UBR1: variants seen among roughly 807,000 people sequenced by gnomAD.
UBR1 encodes the protein E3 ubiquitin-protein ligase UBR1.
In UBR1, 102 loss-of-function variants were observed where a neutral mutation model predicts 242.1. The ratio of observed to expected loss-of-function variants is 0.42; its 90% confidence interval spans 0.36 to 0.50. The LOEUF (loss-of-function observed/expected upper bound fraction) is 0.50. Among genes scored for constraint, UBR1 ranks in the 20% least tolerant of loss-of-function variants. The pLI is 0.01. For missense variants in UBR1, 1,772 were observed against 2,101.8 expected (o/e 0.84, Z 3.07); for synonymous variants, 675 against 684.8 (o/e 0.99, Z 0.22).
At chr15:42,950,405 G>C in intron 45 of UBR1, 42 bp from the exon 46 acceptor site, 1 of 1,559,354 alleles carries the variant, frequency 6.4e-7, no homozygotes, top group Non-Finnish European at 8.8e-7. Flanking sequence ...AAGTGTATGT[G>C]TGCAAATGAT....
chr15:42,960,258 G>C (rs995400262), intron 43 of UBR1, among the ~76,000 whole-genome samples: 18 of 152,130 alleles, frequency 1.2e-4, no homozygotes, highest in African/African-American at 4.1e-4. Context: ...ATAGTTCTAT[G>C]TATATCTTGC....
intron 35 of UBR1, among the ~76,000 whole-genome samples, chr15:42,987,331 G>A (rs2032482420): frequency 6.6e-6 from 1 of 152,222 alleles, no homozygotes; most frequent in Non-Finnish European, 1.5e-5. Context: ...GGTGCCCGTG[G>A]CCTGGAACCT....
intron 42 of UBR1, among the ~76,000 whole-genome samples, chr15:42,962,097 T>A (rs2032032005): frequency 7.1e-6 from 1 of 141,420 alleles, no homozygotes; most frequent in Non-Finnish European, 1.5e-5. Context: ...CTTCTCCCTT[T>A]CTTTCCTCTC....
chr15:43,037,833 C>T lies in UBR1; in HGVS notation c.1962G>A (p.Val654=). ...TCTCAGCAACAACCTGGGCAACCAA[C>T]ACCAGACAACGTAAAGGATATTCCA... is the stretch of plus-strand genomic sequence containing the variant. ...VLVEYPLRCL[V]LVAQVVAEMW... is the part of the protein sequence containing the mutation. The change falls in exon 17 of 47, where the codon GTG becomes GTA. Residue 654 remains valine (V), a synonymous_variant. Coordinates refer to ENST00000290650, the MANE Select transcript of UBR1 (RefSeq NM_174916.3). The T allele has an allele frequency of 6.2e-7, 1 of 1,614,168 alleles. No homozygotes were observed. Among genetic ancestry groups the T allele is most frequent in the Non-Finnish European group, 8.5e-7 (1 of 1,180,028 alleles).
chr15:43,049,456 G>A (rs968812874), intron 12 of UBR1, among the ~76,000 whole-genome samples: 19 of 152,062 alleles, frequency 1.2e-4, no homozygotes, highest in Non-Finnish European at 2.1e-4. Context: ...CCAGCTACTC[G>A]GGAGGCTGAA....
intron 5 of UBR1, 104 bp from the exon 6 acceptor site, chr15:43,068,140 C>A: frequency 1.4e-6 from 1 of 725,308 alleles, no homozygotes; most frequent in Non-Finnish European, 2.1e-6. Context: ...TGTGTAGTTT[C>A]CAACCTGTGG....
chr15:42,965,326 G>A (rs944875742), intron 41 of UBR1, among the ~76,000 whole-genome samples: 1 of 152,126 alleles, frequency 6.6e-6, no homozygotes, highest in Non-Finnish European at 1.5e-5. Flanking sequence ...AAAGCCACAG[G>A]AAGGCTTCCC....
At chr15:43,104,559 C>T (rs2034274092) in intron 1 of UBR1, among the ~76,000 whole-genome samples, 1 of 152,058 alleles carries the variant, frequency 6.6e-6, no homozygotes, top group South Asian at 2.1e-4. Flanking sequence ...TAGTCAGTGG[C>T]CAAATCCTTT....
chr15:42,964,554 C>G (rs1036702568), intron 41 of UBR1, among the ~76,000 whole-genome samples: 1 of 152,090 alleles, frequency 6.6e-6, no homozygotes, highest in African/African-American at 2.4e-5. Flanking sequence ...TAAATTGTAT[C>G]GAGTCACTCT....
chr15:43,074,966 A>G lies in UBR1; in HGVS notation c.528+13T>C. The stretch of plus-strand genomic sequence containing the variant: ...AAAATAGTTAACAATTTTTAACAAA[A>G]TAGCATTCTTACCTCTTTTATAGTA... On this transcript the variant is annotated intron_variant, in intron 4 of 46. Coordinates refer to ENST00000290650, the MANE Select transcript of UBR1 (RefSeq NM_174916.3). 1 of 1,589,652 alleles carries G rather than the reference A, an allele frequency of 6.3e-7. No individual in the cohort carries two copies. Among genetic ancestry groups the G allele is most frequent in the Non-Finnish European group, 8.6e-7 (1 of 1,157,670 alleles).
chr15:43,044,875 A>G (rs2033464487), intron 14 of UBR1, among the ~76,000 whole-genome samples: 1 of 152,160 alleles, frequency 6.6e-6, no homozygotes, highest in African/African-American at 2.4e-5. Context: ...AGCCTGGGTG[A>G]CAGAGCGAGA....
At chr15:43,087,800 T>C (rs2034056334) in intron 1 of UBR1, among the ~76,000 whole-genome samples, 1 of 152,052 alleles carries the variant, frequency 6.6e-6, no homozygotes, top group Non-Finnish European at 1.5e-5. Flanking sequence ...ACAACCGAAA[T>C]GTCCCAAAAC....
chr15:43,037,138 A>G (rs1467846944), intron 17 of UBR1, among the ~76,000 whole-genome samples: 1 of 151,950 alleles, frequency 6.6e-6, no homozygotes, highest in Non-Finnish European at 1.5e-5. Flanking sequence ...ACCTGAGGTC[A>G]GGTGTTCAAG....
chr15:43,017,974 C>G (rs1307741182), intron 27 of UBR1, among the ~76,000 whole-genome samples: 1 of 151,442 alleles, frequency 6.6e-6, no homozygotes, highest in South Asian at 2.1e-4. Flanking sequence ...CATTTATCTT[C>G]GGAGACATTT....
intron 29 of UBR1, among the ~76,000 whole-genome samples, chr15:43,007,602 T>C (rs1464769659): frequency 6.6e-6 from 1 of 151,932 alleles, no homozygotes; most frequent in African/African-American, 2.4e-5. Flanking sequence ...TACAGGCTTA[T>C]TGAATAAATT....
intron 4 of UBR1, among the ~76,000 whole-genome samples, chr15:43,071,217 CGAT>C (rs1452062942): frequency 6.6e-6 from 1 of 152,148 alleles, no homozygotes; most frequent in Non-Finnish European, 1.5e-5. Flanking sequence ...TAGCTAATTA[CGAT>C]GATATCACGT....
chr15:43,024,281 G>A (rs2033149928), intron 25 of UBR1, among the ~76,000 whole-genome samples: 1 of 152,146 alleles, frequency 6.6e-6, no homozygotes, highest in Non-Finnish European at 1.5e-5. Context: ...AGTTAGGCAG[G>A]TATAAATAAA....
In UBR1 at chr15:43,021,269, G is replaced by A. The variant is rs774565716; in HGVS notation, c.2940+6C>T. 1.2e-6 allele frequency: 2 copies of A among 1,612,404 alleles called. No individual in the cohort carries two copies. Among genetic ancestry groups the A allele is most frequent in the South Asian group, 2.2e-5 (2 of 91,032 alleles). On this transcript the variant is annotated splice_donor_region_variant and intron_variant, in intron 27 of 46. Transcript: ENST00000290650. ...AAGATATGATCACTTTACTTTTTTA[G>A]TTTACCTGAAGTATCCACGTTATCA...
At chr15:42,997,677 T>C (rs572036395) in intron 33 of UBR1, among the ~76,000 whole-genome samples, 1 of 152,364 alleles carries the variant, frequency 6.6e-6, no homozygotes, top group African/African-American at 2.4e-5. Flanking sequence ...ATAGTATTAG[T>C]AATAGTAATG....
Sources: gnomAD v4.1 joint callset for allele counts (sites outside exome capture counted in the v4.1 genomes callset) on GRCh38, gnomAD v4.1.1 for gene constraint, MANE v1.5 for transcripts, NCBI Gene and HGNC (gene_info 2026-07-23, HGNC 2026-07-21) for gene names.